Variants in ANK1 observed in about 807,000 individuals in gnomAD.
The protein encoded by ANK1 is ankyrin-1.
Under a neutral mutation model 210.4 loss-of-function variants are expected in ANK1, and 51 were observed. The ratio of observed to expected loss-of-function variants is 0.24; its 90% CI spans 0.19 to 0.31. The LOEUF (loss-of-function observed/expected upper bound fraction) is 0.31, where lower values mean the gene tolerates loss of function less well. ANK1 is among the 10% of genes least tolerant of loss of function. The probability of loss-of-function intolerance (pLI) is 1.00; values close to 1 mark genes in which losing one functional copy is unlikely to be tolerated. For synonymous variants in ANK1, 967 were observed against 1,025.9 expected, an observed-to-expected ratio of 0.94 and a Z score of 1.10; for missense variants, 2,051 against 2,504.4, an observed-to-expected ratio of 0.82 and a Z score of 3.86.
In ANK1 at chr8:41,767,537, C is replaced by A. The variant is rs550734816; in HGVS notation, c.28-9400G>T. On this transcript the variant is annotated intron_variant, in intron 1 of 42. Transcript: ENST00000289734. Reference sequence around the variant, plus strand: ...GCCCGGCCCTGGCCCTGCGCTCTCCCGCCCGCCAGCCTGCCGCTAATGGGA... The same window carrying A: ...GCCCGGCCCTGGCCCTGCGCTCTCCAGCCCGCCAGCCTGCCGCTAATGGGA... 7.9e-5 allele frequency among the ~76,000 whole-genome samples: 12 copies of A among 152,290 alleles called. No individual in the cohort carries two copies. In the South Asian group the frequency reaches 2.5e-3, roughly 32 times the overall value.
intron 1 of ANK1, among the ~76,000 whole-genome samples, chr8:41,819,272 T>G (rs1203074977): frequency 6.6e-6 from 1 of 152,226 alleles, no homozygotes; most frequent in African/African-American, 2.4e-5. Flanking sequence ...AATGAGAGAC[T>G]GCTACACTGT....
At chr8:41,893,014 C>T (rs1457886224) in intron 1 of ANK1, among the ~76,000 whole-genome samples, 2 of 152,204 alleles carry the variant, frequency 1.3e-5, no homozygotes, top group Non-Finnish European at 2.9e-5. Context: ...GAACCTGTCA[C>T]TCAGGGCCAA....
At chr8:41,811,168 C>T (rs1157475355) in intron 1 of ANK1, among the ~76,000 whole-genome samples, 2 of 152,156 alleles carry the variant, frequency 1.3e-5, no homozygotes, top group South Asian at 2.1e-4. Flanking sequence ...CTCTGCCTAT[C>T]CTTTAGCAAA....
At chr8:41,895,729 C>T (rs764941404) in intron 1 of ANK1, among the ~76,000 whole-genome samples, 1 of 152,088 alleles carries the variant, frequency 6.6e-6, no homozygotes, top group South Asian at 2.1e-4. Flanking sequence ...TTGCAAATAC[C>T]CCGGGTAGAG....
At position 41,694,504 on chromosome 8, in the gene ANK1, G is replaced by A; in HGVS notation, c.3327+88C>T. ...GCATTTCAAAGCACCAGACAAAAGT[G>A]TGGGGATGTCCTGGGGAAGAGGGTG... On this transcript the variant is annotated intron_variant, in intron 28 of 42. Coordinates refer to ENST00000289734, the MANE Select transcript of ANK1 (RefSeq NM_000037.4). The surrounding 1 kb of genome is among the most constrained non-coding windows in gnomAD (Gnocchi z 5.7). 1 of 1,292,064 alleles carries A rather than the reference G, an allele frequency of 7.7e-7. No individual in the cohort carries two copies. The highest frequency in any genetic ancestry group is 2.5e-5 in the East Asian group (1 of 40,232). The allele number at this position is 1,292,064 out of a possible 1,614,324, so 80.0% of individuals were successfully genotyped here.
rs534185356 is a variant in ANK1 at position 41,660,308 on chromosome 8, C to T, written c.*36+1122G>A. 1.4e-4 allele frequency: 58 copies of T among 419,964 alleles called. 1 individual carries two copies. Among genetic ancestry groups the T allele is most frequent in the South Asian group, 6.9e-4 (40 of 57,888 alleles). 26.0% of individuals were successfully genotyped at this position (419,964 alleles called of 1,614,324 possible). ...GGAGGCAGCGGGCCCTGATTTTTGC[C>T]GAATGCAGAAAGCTAGAGCCTCCTT... is the stretch of plus-strand genomic sequence containing the variant. On this transcript the variant is annotated intron_variant, in intron 42 of 42. Transcript: ENST00000289734.
intron 1 of ANK1, among the ~76,000 whole-genome samples, chr8:41,847,964 C>T (rs1810381965): frequency 6.6e-6 from 1 of 152,088 alleles, no homozygotes; most frequent in Non-Finnish European, 1.5e-5. Context: ...AGAGGCAGAT[C>T]ACTTGAGGTC....
rs181236524 is a variant in ANK1, at chr8:41,737,507, G to A, written c.130-3438C>T. Among the ~76,000 whole-genome samples, 425 of 152,070 alleles carry A rather than the reference G, an allele frequency of 2.8e-3. 3 individuals are homozygous for A. The highest frequency in any genetic ancestry group is 9.5e-3 in the African/African-American group (394 of 41,400). ...TCTTCCTGGGTCCCATGCCTCCCTC[G>A]CAAAGGGCAGAGAGTAAGACCCTCG... is the stretch of plus-strand genomic sequence containing the variant. On this transcript the variant is annotated intron_variant, in intron 2 of 42. Coordinates refer to ENST00000289734, the MANE Select transcript of ANK1 (RefSeq NM_000037.4).
intron 1 of ANK1, among the ~76,000 whole-genome samples, chr8:41,759,010 C>G (rs13268624): frequency 0.31 from 46,493 of 151,910 alleles, 7,305 homozygotes; most frequent in South Asian, 0.38. Context: ...GGATTACAGG[C>G]ATAAGCCACC....
chr8:41,782,433 C>T (rs536795497), intron 1 of ANK1, among the ~76,000 whole-genome samples: 1 of 152,236 alleles, frequency 6.6e-6, no homozygotes, highest in African/African-American at 2.4e-5. Flanking sequence ...ACCTATTTGC[C>T]ACTAAGCAGC....
intron 1 of ANK1, among the ~76,000 whole-genome samples, chr8:41,865,966 T>A (rs140258791): frequency 6.6e-6 from 1 of 152,352 alleles, no homozygotes; most frequent in Non-Finnish European, 1.5e-5. Flanking sequence ...TCAATGGGTC[T>A]GCAGTGCCCC....
chr8:41,873,232 G>T (rs530772074), intron 1 of ANK1, among the ~76,000 whole-genome samples: 1 of 152,164 alleles, frequency 6.6e-6, no homozygotes, highest in African/African-American at 2.4e-5. Flanking sequence ...ACCTTCATGC[G>T]ATGTCATTAT....
chr8:41,712,056 C>T (rs764274236), intron 16 of ANK1, among the ~76,000 whole-genome samples: 6 of 152,260 alleles, frequency 3.9e-5, no homozygotes, highest in Admixed American at 2.6e-4. Flanking sequence ...TCCCAAGTAG[C>T]TGGGATTACA....
At chr8:41,806,763 A>T (rs1851023895) in intron 1 of ANK1, among the ~76,000 whole-genome samples, 1 of 152,050 alleles carries the variant, frequency 6.6e-6, no homozygotes, top group Non-Finnish European at 1.5e-5. Context: ...AAAGCAACAC[A>T]ATGTTGTAAG....
Position 41,704,486 on chromosome 8 carries a change from GAGA to G in ANK1, c.2098-17_2098-15del, listed in dbSNP as rs765701976. ...AGTGTAGCCCATCTGAAAAGCAGAT[GAGA>G]AGGAGTGACCGGAGCTGTCCTGAGC... On this transcript the variant is annotated splice_polypyrimidine_tract_variant and intron_variant, in intron 18 of 42. Transcript: ENST00000289734. The surrounding 1 kb of genome is among the most constrained non-coding windows in gnomAD (Gnocchi z 4.1). 1.9e-6 allele frequency: 3 copies of G among 1,605,840 alleles called. No homozygotes were observed. The highest frequency in any genetic ancestry group is 1.1e-5 in the South Asian group (1 of 90,916).
intron 1 of ANK1, among the ~76,000 whole-genome samples, chr8:41,827,785 CCACA>C (rs375660498): frequency 1.4e-5 from 2 of 147,568 alleles, no homozygotes; most frequent in African/African-American, 2.5e-5. Context: ...ATGCTCACGC[CCACA>C]CACATGCACA....
chr8:41,858,571 C>A (rs1055435137), intron 1 of ANK1, among the ~76,000 whole-genome samples: 1 of 152,144 alleles, frequency 6.6e-6, no homozygotes, highest in African/African-American at 2.4e-5. Context: ...GGGAACTGCT[C>A]GGACGTGAGC....
chr8:41,853,486 G>A (rs184267692), intron 1 of ANK1, among the ~76,000 whole-genome samples: 5 of 152,246 alleles, frequency 3.3e-5, no homozygotes, highest in Middle Eastern at 3.4e-3. Flanking sequence ...TTCTTCCTAC[G>A]GGTAATTTTT....
chr8:41,686,380 G>T, intron 35 of ANK1, 97 bp from the exon 36 acceptor site: 12 of 1,527,698 alleles, frequency 7.9e-6, no homozygotes, highest in South Asian at 1.1e-5. Flanking sequence ...GGCGTGGGGG[G>T]ACCCAGTGGG....
Sources: allele counts gnomAD v4.1 joint callset (sites outside exome capture counted in the v4.1 genomes callset), GRCh38; gene constraint gnomAD v4.1.1; non-coding constraint Gnocchi (gnomAD v3.1); transcripts MANE v1.5; gene names NCBI Gene and HGNC (gene_info 2026-07-23, HGNC 2026-07-21).